Variants in SIMC1 observed in about 807,000 individuals in gnomAD.
The protein encoded by SIMC1 is SUMO interacting motifs containing 1.
A neutral mutation model predicts 82.3 loss-of-function variants in SIMC1; 55 were observed. The observed-to-expected ratio is 0.67, with a 90% CI of 0.54 to 0.84. SIMC1 has a LOEUF of 0.84. SIMC1 is among the 40% of genes least tolerant of loss of function. The pLI is 0.00. For synonymous variants in SIMC1, 353 were observed against 426.3 expected, an observed-to-expected ratio of 0.83 and a Z score of 2.12; for missense variants, 915 against 1,107.2, an observed-to-expected ratio of 0.83 and a Z score of 2.46.
rs538875388 is a variant in SIMC1 at position 176,318,019 on chromosome 5, G to A, written c.1889+4174G>A. ...TTCTGGGGTTTAAATACCTTCTAGA[G>A]GTTTCCCATTGTACTTGATGTACAA... is the stretch of plus-strand genomic sequence containing the variant. On this transcript the variant is annotated intron_variant, in intron 5 of 9. Transcript: ENST00000429602. Among the ~76,000 whole-genome samples, 7 of 152,298 alleles carry A rather than the reference G, an allele frequency of 4.6e-5. No homozygotes were observed. The East Asian group carries it at 1.2e-3, about 25-fold the overall frequency.
chr5:176,342,687 T>C (rs1766202505), intron 9 of SIMC1, among the ~76,000 whole-genome samples: 1 of 152,218 alleles, frequency 6.6e-6, no homozygotes, highest in Non-Finnish European at 1.5e-5. Context: ...GCTTTTCCCT[T>C]TGACCTTTGC....
chr5:176,288,458 T>TAAATAAATAAAG (rs70991526), intron 1 of SIMC1, among the ~76,000 whole-genome samples: 1 of 151,692 alleles, frequency 6.6e-6, no homozygotes, highest in Non-Finnish European at 1.5e-5. Flanking sequence ...AATAAATAAA[T>TAAATAAATAAAG]GGGAGAGACC....
intron 1 of SIMC1, chr5:176,263,420 G>A: frequency 6.5e-7 from 1 of 1,540,984 alleles, no homozygotes. Flanking sequence ...TCTGCAGGCT[G>A]AACAAGAAGC....
At chr5:176,344,783 C>T (rs1052159045) in intron 9 of SIMC1, among the ~76,000 whole-genome samples, 2 of 152,092 alleles carry the variant, frequency 1.3e-5, no homozygotes, top group African/African-American at 4.8e-5. Flanking sequence ...CCCACCAGGC[C>T]CCACCTCCAA....
chr5:176,245,581 A>AT (rs1336638962), intron 1 of SIMC1, among the ~76,000 whole-genome samples: 1 of 152,066 alleles, frequency 6.6e-6, no homozygotes, highest in African/African-American at 2.4e-5. Context: ...GAAGTTTTAC[A>AT]TTTTTATATA....
At chr5:176,323,767 A>G (rs905469380) in intron 6 of SIMC1, among the ~76,000 whole-genome samples, 2 of 152,002 alleles carry the variant, frequency 1.3e-5, no homozygotes, top group African/African-American at 2.4e-5. Context: ...CGGGTGGATC[A>G]TGAGGTCAGG....
At chr5:176,252,448 T>C (rs1261595553) in intron 1 of SIMC1, among the ~76,000 whole-genome samples, 3 of 149,620 alleles carry the variant, frequency 2.0e-5, no homozygotes, top group East Asian at 4.0e-4. Context: ...GAGACGCTCC[T>C]CACCTCCCAG....
intron 1 of SIMC1, among the ~76,000 whole-genome samples, chr5:176,282,099 C>T (rs1350832497): frequency 3.3e-5 from 5 of 152,258 alleles, no homozygotes; most frequent in South Asian, 2.1e-4. Flanking sequence ...TGGAGCTTCC[C>T]GGCTGCTTTG....
intron 1 of SIMC1, among the ~76,000 whole-genome samples, chr5:176,282,043 A>G (rs1363045921): frequency 1.3e-5 from 2 of 152,246 alleles, no homozygotes; most frequent in Non-Finnish European, 2.9e-5. Flanking sequence ...GGTGGAGCCT[A>G]CAGAGGCAGG....
intron 6 of SIMC1, 63 bp from the exon 7 acceptor site, chr5:176,324,566 C>T (rs1490871391): frequency 6.4e-7 from 1 of 1,555,436 alleles, no homozygotes; most frequent in African/African-American, 1.4e-5. Flanking sequence ...GACCTCCTCC[C>T]AGCCAGAGAG....
intron 7 of SIMC1, among the ~76,000 whole-genome samples, chr5:176,329,135 A>G (rs1248853276): frequency 6.6e-6 from 1 of 152,112 alleles, no homozygotes; most frequent in Non-Finnish European, 1.5e-5. Context: ...TTTTAGTTCT[A>G]TTACCTGTGT....
chr5:176,273,761 T>C (rs1762554837), intron 1 of SIMC1, among the ~76,000 whole-genome samples: 1 of 152,156 alleles, frequency 6.6e-6, no homozygotes, highest in African/African-American at 2.4e-5. Flanking sequence ...GGTGTTTGGT[T>C]TTTTGTTCTT....
At chr5:176,325,007 A>G (rs1167230986) in intron 7 of SIMC1, among the ~76,000 whole-genome samples, 7 of 152,180 alleles carry the variant, frequency 4.6e-5, no homozygotes, top group Admixed American at 3.9e-4. Flanking sequence ...ATTTCTTGGG[A>G]AGAGGCACAG....
intron 1 of SIMC1, among the ~76,000 whole-genome samples, chr5:176,246,880 T>G (rs1761466458): frequency 6.6e-6 from 1 of 152,020 alleles, no homozygotes. Context: ...TGTTCCTGTG[T>G]TAGTTTGCTG....
In SIMC1 at chr5:176,333,793, T is replaced by C. The variant is rs971983379; in HGVS notation, c.2172-2927T>C. On this transcript the variant is annotated intron_variant, in intron 7 of 9. Coordinates refer to ENST00000429602, the MANE Select transcript of SIMC1 (RefSeq NM_001308195.2). ...CTCTCTTATCTTCTGGGAATCTAAG[T>C]GTACATATAGATCTGTTCCACAGAT... is the stretch of plus-strand genomic sequence containing the variant. Among the ~76,000 whole-genome samples, 4 of 152,106 alleles carry C rather than the reference T, an allele frequency of 2.6e-5. No homozygotes were observed. The East Asian group carries it at 7.7e-4, about 29-fold the overall frequency.
At chr5:176,276,865 G>A (rs1762729858) in intron 1 of SIMC1, among the ~76,000 whole-genome samples, 1 of 148,118 alleles carries the variant, frequency 6.8e-6, no homozygotes, top group South Asian at 2.1e-4. Context: ...CATTTGGGTT[G>A]GTTCCAAGTC....
At chr5:176,284,862 A>G (rs1763192963) in intron 1 of SIMC1, among the ~76,000 whole-genome samples, 1 of 152,376 alleles carries the variant, frequency 6.6e-6, no homozygotes, top group Admixed American at 6.5e-5. Flanking sequence ...AGAAATGGAT[A>G]AATTCCTGGA....
chr5:176,273,611 G>A (rs547914245), intron 1 of SIMC1, among the ~76,000 whole-genome samples: 14 of 152,038 alleles, frequency 9.2e-5, no homozygotes, highest in African/African-American at 2.9e-4. Context: ...CCAGTAACTC[G>A]TCATCTAGCA....
At chr5:176,255,815 C>T (rs1174672949) in intron 1 of SIMC1, among the ~76,000 whole-genome samples, 3 of 150,830 alleles carry the variant, frequency 2.0e-5, no homozygotes, top group African/African-American at 7.3e-5. Context: ...TTTTCTAGGC[C>T]TTCAAGATAG....
Sources: gnomAD v4.1 joint callset for allele counts (sites outside exome capture counted in the v4.1 genomes callset) on GRCh38, gnomAD v4.1.1 for gene constraint, MANE v1.5 for transcripts, NCBI Gene and HGNC (gene_info 2026-07-23, HGNC 2026-07-21) for gene names.